Variants in HRH1 observed in about 807,000 individuals in gnomAD.
The protein encoded by HRH1 is histamine receptor H1.
HRH1 carries 6 observed loss-of-function variants against 10.3 expected under a neutral mutation model. The observed-to-expected ratio is 0.58, with a 90% CI of 0.32 to 1.15. HRH1 has a LOEUF of 1.15. Ranked by LOEUF, HRH1 falls within the 50% of genes most tolerant of loss-of-function variation. The pLI is 0.05. For synonymous variants in HRH1, 242 were observed against 236.7 expected (o/e 1.02, Z -0.21); for missense variants, 514 against 615.3 (o/e 0.84, Z 1.74).
At chr3:11,217,307 A>G (rs1375500812) in intron 1 of HRH1, among the ~76,000 whole-genome samples, 1 of 152,054 alleles carries the variant, frequency 6.6e-6, no homozygotes, top group Non-Finnish European at 1.5e-5. Context: ...AGGCAGGCGG[A>G]TCACCTGAGG....
chr3:11,246,002 A>ACG (rs1939472032), intron 1 of HRH1, among the ~76,000 whole-genome samples: 1 of 79,998 alleles, frequency 1.3e-5, no homozygotes, highest in Middle Eastern at 6.0e-3. Context: ...ACACACACTT[A>ACG]CACATACACA....
At chr3:11,252,054 CA>C (rs1181241885) in intron 1 of HRH1, among the ~76,000 whole-genome samples, 1 of 152,168 alleles carries the variant, frequency 6.6e-6, no homozygotes, top group African/African-American at 2.4e-5. Context: ...AAAGCTAGGA[CA>C]GGGGCAGTTA....
chr3:11,254,675 C>A (rs1428875671), intron 1 of HRH1, among the ~76,000 whole-genome samples: 1 of 152,252 alleles, frequency 6.6e-6, no homozygotes, highest in Admixed American at 6.5e-5. Flanking sequence ...GAGAAATGAT[C>A]TGAGACCCTC....
intron 1 of HRH1, among the ~76,000 whole-genome samples, chr3:11,175,114 G>C (rs958535338): frequency 1.3e-5 from 2 of 152,100 alleles, no homozygotes; most frequent in Non-Finnish European, 2.9e-5. Flanking sequence ...ACTAAGGCTT[G>C]GTCAGGTCTC....
chr3:11,155,755 A>G (rs1318982257), intron 1 of HRH1, among the ~76,000 whole-genome samples: 1 of 152,152 alleles, frequency 6.6e-6, no homozygotes, highest in Non-Finnish European at 1.5e-5. Flanking sequence ...TCCCTGGAGC[A>G]TGAAGGAGAG....
Position 11,142,950 on chromosome 3 carries a change from C to T in HRH1, c.-36+5551C>T, listed in dbSNP as rs140568089. The stretch of plus-strand genomic sequence containing the variant: ...AAAGATTGAATGATGATGAGGTGTC[C>T]GTGGCAAGATCTAAGGGATGAGTGT... On this transcript the variant is annotated intron_variant, in intron 1 of 1. Transcript: ENST00000438284. 8.0e-3 allele frequency among the ~76,000 whole-genome samples: 1,222 copies of T among 152,006 alleles called. 13 individuals are homozygous for T. Among genetic ancestry groups the T allele is most frequent in the Non-Finnish European group, 0.012 (826 of 67,974 alleles).
chr3:11,227,534 C>T (rs1938927455), intron 1 of HRH1, among the ~76,000 whole-genome samples: 1 of 152,142 alleles, frequency 6.6e-6, no homozygotes, highest in Non-Finnish European at 1.5e-5. Context: ...GATCTGCCCA[C>T]CTCAGCCTCC....
chr3:11,153,118 C>T (rs1290541479), upstream of HRH1, among the ~76,000 whole-genome samples: 1 of 152,136 alleles, frequency 6.6e-6, no homozygotes, highest in East Asian at 1.9e-4. Flanking sequence ...GCACCTTGGA[C>T]CTTGGGGCCA....
chr3:11,263,092 A>G lies in HRH1; in HGVS notation c.*2591A>G, dbSNP rs1253397763. On this transcript the variant is annotated 3_prime_UTR_variant, in exon 2 of 2. Coordinates refer to ENST00000431010, the MANE Select transcript of HRH1 (RefSeq NM_001098212.2). ...TGATTCTGGAATGTGCTTCCTTTCC[A>G]CTTTATCAATCTGCTCTTCGTACTC... 4.8e-5 allele frequency: 8 copies of G among 167,080 alleles called. No homozygotes were observed. The highest frequency in any genetic ancestry group is 8.8e-5 in the Non-Finnish European group (6 of 68,120). The allele number at this position is 167,080 out of a possible 1,614,324, so 10.3% of individuals were successfully genotyped here. A position where few individuals can be genotyped will look rare whatever the true frequency, so the allele number is the denominator to read the frequency against.
chr3:11,259,093 A>G lies in HRH1; in HGVS notation c.56A>G (p.Lys19Arg). Residue 19 changes from lysine to arginine, a missense_variant, in exon 2 of 2, where the codon AAG (lysine) becomes AGG (arginine). By Grantham distance (26) the Lys-to-Arg change is conservative. Coordinates refer to ENST00000431010, the MANE Select transcript of HRH1 (RefSeq NM_001098212.2). This position sits in a 1 kb window ranked among gnomAD's most constrained non-coding sequence, Gnocchi z 4.6. ...GAAGACAAGATGTGTGAGGGCAACA[A>G]GACCACTATGGCCAGCCCCCAGCTG... is the stretch of plus-strand genomic sequence containing the variant. ...LLEDKMCEGN[K>R]TTMASPQLMP... The G allele has an allele frequency of 6.2e-7, 1 of 1,613,426 alleles. No individual in the cohort carries two copies. The highest frequency in any genetic ancestry group is 8.5e-7 in the Non-Finnish European group (1 of 1,179,738).
chr3:11,249,234 AAAAT>A (rs1398041070), intron 1 of HRH1, among the ~76,000 whole-genome samples: 2 of 151,870 alleles, frequency 1.3e-5, no homozygotes, highest in East Asian at 3.9e-4. Context: ...GTCTCTACTA[AAAAT>A]AAAAAATAAA....
intron 1 of HRH1, chr3:11,234,439 C>T: frequency 6.2e-7 from 1 of 1,601,310 alleles, no homozygotes; most frequent in Non-Finnish European, 8.6e-7. Context: ...ACCCCTTGAT[C>T]TCCTCCGTGC....
chr3:11,171,012 C>T (rs573080735), intron 1 of HRH1, among the ~76,000 whole-genome samples: 54 of 152,228 alleles, frequency 3.5e-4, no homozygotes, highest in African/African-American at 1.3e-3. Flanking sequence ...GATCGCCTCC[C>T]TCCCTGTCTT....
intron 1 of HRH1, among the ~76,000 whole-genome samples, chr3:11,251,573 G>C (rs1311726359): frequency 6.6e-6 from 1 of 152,098 alleles, no homozygotes; most frequent in Non-Finnish European, 1.5e-5. Context: ...TCTACAAAAA[G>C]GTGTCTTCCG....
At chr3:11,152,993 C>G (rs1213260828), upstream of HRH1, among the ~76,000 whole-genome samples, 1 of 152,118 alleles carries the variant, frequency 6.6e-6, no homozygotes, top group East Asian at 1.9e-4. Context: ...CCTTTAATCC[C>G]CACCTTGCAG....
chr3:11,239,736 C>G (rs1382566108), intron 1 of HRH1, among the ~76,000 whole-genome samples: 1 of 152,098 alleles, frequency 6.6e-6, no homozygotes, highest in Non-Finnish European at 1.5e-5. Context: ...TGCATTTTGT[C>G]TGCTGCCTTC....
intron 1 of HRH1, among the ~76,000 whole-genome samples, chr3:11,158,856 G>C (rs1345470955): frequency 3.3e-5 from 5 of 152,170 alleles, no homozygotes; most frequent in Middle Eastern, 3.2e-3. Flanking sequence ...ACAATTGTAA[G>C]AGGTACAAAT....
At chr3:11,141,650 A>G (rs1040395725) in intron 1 of HRH1, among the ~76,000 whole-genome samples, 1 of 152,172 alleles carries the variant, frequency 6.6e-6, no homozygotes, top group Non-Finnish European at 1.5e-5. Flanking sequence ...GGCTTCCCCC[A>G]GTAGGTGATA....
In HRH1 at chr3:11,259,981, A is replaced by G; in HGVS notation, c.944A>G (p.Glu315Gly). 6.2e-7 allele frequency: 1 copy of G among 1,614,152 alleles called. No individual in the cohort carries two copies. Among genetic ancestry groups the G allele is most frequent in the East Asian group, 2.2e-5 (1 of 44,886 alleles). The change falls in exon 2 of 2, where the codon GAG becomes GGG. Residue 315 changes from glutamate (E) to glycine (G), a missense_variant. Glu to Gly is a moderately conservative substitution (Grantham distance 98). Coordinates refer to ENST00000431010, the MANE Select transcript of HRH1 (RefSeq NM_001098212.2). This position sits in a 1 kb window ranked among gnomAD's most constrained non-coding sequence, Gnocchi z 4.6. Reference protein sequence around the residue: ...LDIVHMQAAAEGSSRDYVAVN... With the variant: ...LDIVHMQAAAGGSSRDYVAVN... ...ATTGTGCACATGCAGGCTGCGGCAG[A>G]GGGGAGTAGCAGGGACTATGTAGCC...
Sources: allele counts gnomAD v4.1 joint callset (sites outside exome capture counted in the v4.1 genomes callset), GRCh38; gene constraint gnomAD v4.1.1; non-coding constraint Gnocchi (gnomAD v3.1); transcripts MANE v1.5; gene names NCBI Gene and HGNC (gene_info 2026-07-23, HGNC 2026-07-21).